The following SHANK2 variants were observed in gnomAD, a reference collection of about 807,000 sequenced individuals.
The protein encoded by SHANK2 is SH3 and multiple ankyrin repeat domains protein 2.
Under a neutral mutation model 133.7 loss-of-function variants are expected in SHANK2, and 43 were observed. The observed-to-expected ratio is 0.32, with a 90% CI of 0.25 to 0.41. SHANK2 has a LOEUF of 0.41. Ranked by LOEUF, SHANK2 falls within the 10% of genes least tolerant of loss-of-function variation. The probability of loss-of-function intolerance (pLI) is 1.00; values close to 1 mark genes in which losing one functional copy is unlikely to be tolerated. For missense variants in SHANK2, 1,994 were observed against 2,235.8 expected, an observed-to-expected ratio of 0.89 and a Z score of 2.18; for synonymous variants, 1,017 against 952.8, an observed-to-expected ratio of 1.07 and a Z score of -1.24.
intron 2 of SHANK2, among the ~76,000 whole-genome samples, chr11:71,165,575 T>C (rs1555110682): frequency 1.3e-5 from 2 of 152,074 alleles, no homozygotes; most frequent in African/African-American, 4.8e-5. Context: ...TTGTCGCTTC[T>C]CTCTGCGAAG....
intron 14 of SHANK2, among the ~76,000 whole-genome samples, chr11:70,736,143 C>G (rs1439725039): frequency 7.2e-5 from 11 of 151,914 alleles, no homozygotes; most frequent in African/African-American, 2.7e-4. Flanking sequence ...AGTCAAGGCC[C>G]CTGGCTGGGT....
chr11:70,494,592 C>A (rs977843018), intron 21 of SHANK2, among the ~76,000 whole-genome samples: 1 of 152,184 alleles, frequency 6.6e-6, no homozygotes, highest in African/African-American at 2.4e-5. Context: ...CCACACCCAG[C>A]CATACACTTT....
At chr11:71,163,114 A>T (rs1179456598) in intron 2 of SHANK2, among the ~76,000 whole-genome samples, 1 of 143,450 alleles carries the variant, frequency 7.0e-6, no homozygotes, top group South Asian at 2.3e-4. Flanking sequence ...ATATATATAC[A>T]GAATAGAAAC....
chr11:70,870,826 G>A (rs1555070040), intron 11 of SHANK2, among the ~76,000 whole-genome samples: 2 of 152,150 alleles, frequency 1.3e-5, no homozygotes, highest in Admixed American at 1.3e-4. Context: ...GCCCAGGCTG[G>A]AGTGCAGTGG....
chr11:70,671,221 T>C (rs1164278080), intron 15 of SHANK2, among the ~76,000 whole-genome samples: 1 of 152,174 alleles, frequency 6.6e-6, no homozygotes, highest in Non-Finnish European at 1.5e-5. Context: ...ACTGCGCTCA[T>C]GATCATGACG....
At position 70,535,290 on chromosome 11, in the gene SHANK2, C is replaced by CTA. The variant is rs2059528976; in HGVS notation, c.2062-32361_2062-32360dup. Among the ~76,000 whole-genome samples the CTA allele has an allele frequency of 6.6e-6, 1 of 151,978 alleles. No homozygotes were observed. The highest frequency in any genetic ancestry group is 1.9e-4 in the East Asian group (1 of 5,182). ...ATCCATCTGTCCTTCCATCCATCCTCTATCCTCCATCATTCAGTCCATCCA... is the reference window on the plus strand; with the variant it reads ...ATCCATCTGTCCTTCCATCCATCCTCTATATCCTCCATCATTCAGTCCATCCA... On this transcript the variant is annotated intron_variant, in intron 17 of 25. Transcript: ENST00000601538. This position sits in a 1 kb window ranked among gnomAD's most constrained non-coding sequence, Gnocchi z 4.3.
intron 11 of SHANK2, among the ~76,000 whole-genome samples, chr11:70,888,833 AAAAG>A (rs144226654): frequency 0.2 from 29,827 of 151,826 alleles, 4,524 homozygotes; most frequent in African/African-American, 0.43. Context: ...AAAGAAAAAA[AAAAG>A]AGAGAAAGAG....
chr11:70,933,942 AC>A (rs1565414311), intron 10 of SHANK2, among the ~76,000 whole-genome samples: 38 of 150,394 alleles, frequency 2.5e-4, no homozygotes, highest in African/African-American at 8.6e-4. Flanking sequence ...AACAAACAAA[AC>A]AACAACAGCT....
intron 1 of SHANK2, among the ~76,000 whole-genome samples, chr11:71,246,597 G>A (rs556469974): frequency 2.0e-5 from 3 of 152,204 alleles, no homozygotes; most frequent in East Asian, 1.9e-4. Flanking sequence ...CCCTTTCCAC[G>A]TAGACCCAGC....
At chr11:70,722,372 G>A (rs782079321) in intron 14 of SHANK2, among the ~76,000 whole-genome samples, 2 of 152,168 alleles carry the variant, frequency 1.3e-5, no homozygotes, top group Non-Finnish European at 2.9e-5. Context: ...TAACCCTAAG[G>A]GACATGAAGG....
intron 11 of SHANK2, among the ~76,000 whole-genome samples, chr11:70,873,734 A>C (rs914487675): frequency 6.8e-6 from 1 of 146,408 alleles, no homozygotes; most frequent in East Asian, 2.0e-4. Context: ...TGCTTCCTCC[A>C]TTTACCATTT....
At chr11:71,099,813 G>C (rs1951687853) in intron 6 of SHANK2, among the ~76,000 whole-genome samples, 1 of 152,142 alleles carries the variant, frequency 6.6e-6, no homozygotes, top group Non-Finnish European at 1.5e-5. Context: ...AGCACTTTGG[G>C]AGCCAAGGTA....
intron 2 of SHANK2, among the ~76,000 whole-genome samples, chr11:71,152,382 G>C (rs1278020127): frequency 6.6e-6 from 1 of 152,198 alleles, no homozygotes. Flanking sequence ...CCAAAGTGTT[G>C]GGATTACAGG....
At chr11:70,741,075 T>C (rs1555034626) in intron 14 of SHANK2, among the ~76,000 whole-genome samples, 1 of 152,192 alleles carries the variant, frequency 6.6e-6, no homozygotes, top group African/African-American at 2.4e-5. Context: ...CAATCATCCA[T>C]CTCATAAACT....
At position 71,149,733 on chromosome 11, in the gene SHANK2, G is replaced by C. The variant is rs1420552051; in HGVS notation, c.-12-2395C>G. Among the ~76,000 whole-genome samples, 32 of 143,138 alleles carry C rather than the reference G, an allele frequency of 2.2e-4. 1 individual carries two copies. The highest frequency in any genetic ancestry group is 2.2e-3 in the Admixed American group (32 of 14,536). The allele number at this position is 143,138 out of a possible 152,430, so 93.9% of individuals were successfully genotyped here. On this transcript the variant is annotated intron_variant, in intron 2 of 25. Transcript: ENST00000601538. ...TGGCTCACTGTGTGGATACGCAAGAGGGAGGAAGGAAGGGAGGAGGGGAGG... is the reference window on the plus strand; with the variant it reads ...TGGCTCACTGTGTGGATACGCAAGACGGAGGAAGGAAGGGAGGAGGGGAGG...
chr11:71,249,679 G>C (rs782770838), intron 1 of SHANK2, among the ~76,000 whole-genome samples: 41 of 152,286 alleles, frequency 2.7e-4, no homozygotes, highest in Non-Finnish European at 5.0e-4. Context: ...AGTCCTCATC[G>C]GGACTGACGG....
Position 70,775,122 on chromosome 11 carries a change from G to C in SHANK2, c.1777+23321C>G, listed in dbSNP as rs146234210. On this transcript the variant is annotated intron_variant, in intron 14 of 25. Coordinates refer to ENST00000601538, the MANE Select transcript of SHANK2 (RefSeq NM_012309.5). ...TGCAGTGAGCTATGATTGCACCACC[G>C]CACTCCAGTCTGGGCGACAAAGGCA... is the stretch of plus-strand genomic sequence containing the variant. Among the ~76,000 whole-genome samples, 30 of 152,242 alleles carry C rather than the reference G, an allele frequency of 2.0e-4. 1 individual carries two copies. Among genetic ancestry groups the C allele is most frequent in the Admixed American group, 1.9e-3 (29 of 15,286 alleles).
chr11:70,948,723 G>A (rs1455825529), intron 10 of SHANK2, among the ~76,000 whole-genome samples: 1 of 152,174 alleles, frequency 6.6e-6, no homozygotes, highest in African/African-American at 2.4e-5. Flanking sequence ...TTTCCAGAGG[G>A]GCCACGCTCC....
intron 12 of SHANK2, among the ~76,000 whole-genome samples, chr11:70,816,548 G>A (rs1201789567): frequency 1.3e-5 from 2 of 152,222 alleles, no homozygotes; most frequent in East Asian, 1.9e-4. Context: ...AAAGTGGCCC[G>A]TTAGTGCCAC....
Sources: allele counts gnomAD v4.1 joint callset (sites outside exome capture counted in the v4.1 genomes callset), GRCh38; gene constraint gnomAD v4.1.1; non-coding constraint Gnocchi (gnomAD v3.1); transcripts MANE v1.5; gene names NCBI Gene and HGNC (gene_info 2026-07-23, HGNC 2026-07-21).